Variants in SPMIP7 observed in about 807,000 individuals in gnomAD.
SPMIP7 encodes protein SPMIP7.
the SPMIP7 span, among the ~76,000 whole-genome samples, chr7:50,116,980 A>T: frequency 1.3e-5 from 2 of 152,170 alleles, no homozygotes; most frequent in Non-Finnish European, 2.9e-5. Flanking sequence ...GCTTTTCCTG[A>T]CCTACAATTA....
At chr7:50,126,475 A>G in the SPMIP7 span, among the ~76,000 whole-genome samples, 1 of 152,084 alleles carries the variant, frequency 6.6e-6, no homozygotes, top group East Asian at 1.9e-4. Flanking sequence ...AACAACCACC[A>G]ATCTTATATA....
the SPMIP7 span, among the ~76,000 whole-genome samples, chr7:50,107,362 C>CAAAAAAAAAAAAAAAAAAAAAAAAA: frequency 6.0e-5 from 1 of 16,654 alleles, no homozygotes; most frequent in Non-Finnish European, 1.0e-4. Context: ...GACTCTGTCT[C>CAAAAAAAAAAAAAAAAAAAAAAAAA]AAAAAAAAAA....
the SPMIP7 span, among the ~76,000 whole-genome samples, chr7:50,111,606 G>A: frequency 6.6e-6 from 1 of 152,230 alleles, no homozygotes; most frequent in East Asian, 1.9e-4. Context: ...CAAACTTCGA[G>A]CATACTTATC....
At chr7:50,115,234 AG>A in the SPMIP7 span, among the ~76,000 whole-genome samples, 5 of 152,314 alleles carry the variant, frequency 3.3e-5, no homozygotes, top group East Asian at 3.9e-4. Context: ...ATTTTACAAT[AG>A]GAAAGGGATC....
At chr7:50,149,128 C>T in the SPMIP7 span, among the ~76,000 whole-genome samples, 1 of 129,356 alleles carries the variant, frequency 7.7e-6, no homozygotes, top group Non-Finnish European at 1.6e-5. Context: ...CTGGGCAATA[C>T]AGCGAGATTC....
the SPMIP7 span, among the ~76,000 whole-genome samples, chr7:50,158,721 A>C: frequency 3.5e-5 from 5 of 142,556 alleles, no homozygotes; most frequent in Non-Finnish European, 4.6e-5. Context: ...CTTGGAGGAG[A>C]CTCCTCTTGA....
chr7:50,119,475 G>C, the SPMIP7 span, among the ~76,000 whole-genome samples: 2 of 152,072 alleles, frequency 1.3e-5, no homozygotes, highest in Non-Finnish European at 2.9e-5. Flanking sequence ...GTAATTTGTG[G>C]ATGGCTTTAG....
the SPMIP7 span, among the ~76,000 whole-genome samples, chr7:50,131,241 AATTTTCTG>A: frequency 2.0e-5 from 3 of 152,168 alleles, no homozygotes; most frequent in African/African-American, 7.2e-5. Flanking sequence ...GAGCCAACAC[AATTTTCTG>A]ATTGTGATGA....
chr7:50,158,750 C>T, the SPMIP7 span, among the ~76,000 whole-genome samples: 1 of 152,090 alleles, frequency 6.6e-6, no homozygotes, highest in Non-Finnish European at 1.5e-5. Context: ...GCCACCCCAC[C>T]CAGAGAGCTC....
chr7:50,145,577 T>G, the SPMIP7 span, among the ~76,000 whole-genome samples: 1 of 132,166 alleles, frequency 7.6e-6, no homozygotes, highest in South Asian at 2.5e-4. Context: ...TATGTATATA[T>G]ATATATGTGC....
the SPMIP7 span, among the ~76,000 whole-genome samples, chr7:50,109,299 GAAT>G: frequency 6.6e-6 from 1 of 152,080 alleles, no homozygotes; most frequent in East Asian, 1.9e-4. Flanking sequence ...TTAGCCTAAA[GAAT>G]AATAAGAAAT....
the SPMIP7 span, among the ~76,000 whole-genome samples, chr7:50,109,777 C>T: frequency 6.6e-6 from 1 of 152,082 alleles, no homozygotes; most frequent in Non-Finnish European, 1.5e-5. Context: ...CTAATAATTT[C>T]TGCATATGTA....
chr7:50,103,857 C>T, the SPMIP7 span, among the ~76,000 whole-genome samples: 1 of 152,164 alleles, frequency 6.6e-6, no homozygotes, highest in Non-Finnish European at 1.5e-5. Context: ...TTATGGACAC[C>T]TCAAAACCAG....
At chr7:50,144,603 C>G in the SPMIP7 span, among the ~76,000 whole-genome samples, 2 of 152,152 alleles carry the variant, frequency 1.3e-5, no homozygotes, top group Non-Finnish European at 2.9e-5. Flanking sequence ...GAACAAATCA[C>G]TAAAAATGAA....
the SPMIP7 span, among the ~76,000 whole-genome samples, chr7:50,127,521 T>C: frequency 2.0e-5 from 3 of 151,254 alleles, no homozygotes; most frequent in African/African-American, 7.3e-5. Context: ...ATAACCAGAA[T>C]GTATATAAAG....
chr7:50,122,597 A>T, the SPMIP7 span, among the ~76,000 whole-genome samples: 1 of 150,814 alleles, frequency 6.6e-6, no homozygotes, highest in Non-Finnish European at 1.5e-5. Flanking sequence ...GCTTCTGCAC[A>T]GCAAAAGAAA....
chr7:50,138,179 G>A, the SPMIP7 span, among the ~76,000 whole-genome samples: 1 of 151,980 alleles, frequency 6.6e-6, no homozygotes, highest in Non-Finnish European at 1.5e-5. Flanking sequence ...CTTATGATAA[G>A]AGCTGGGGAT....
chr7:50,129,832 T>C, the SPMIP7 span: 1 of 1,342,656 alleles, frequency 7.4e-7, no homozygotes, highest in African/African-American at 1.5e-5. Context: ...TTTTGGAATA[T>C]ATTTCTTTTT....
At chr7:50,111,958 T>G in the SPMIP7 span, among the ~76,000 whole-genome samples, 1 of 152,184 alleles carries the variant, frequency 6.6e-6, no homozygotes, top group Non-Finnish European at 1.5e-5. Context: ...TATTTAGCAG[T>G]AAATGAAACA....
Sources: allele counts gnomAD v4.1 joint callset (sites outside exome capture counted in the v4.1 genomes callset), GRCh38; gene constraint gnomAD v4.1.1; transcripts MANE v1.5; gene names NCBI Gene and HGNC (gene_info 2026-07-23, HGNC 2026-07-21).